ARL15: variants seen among roughly 807,000 people sequenced by gnomAD.
ARL15 encodes the protein ADP-ribosylation factor-like protein 15.
Under a neutral mutation model 25.2 loss-of-function variants are expected in ARL15, and 19 were observed. That is an observed-to-expected ratio of 0.75 (90% CI 0.53 to 1.10). The LOEUF is 1.10. Among genes scored for constraint, ARL15 ranks in the 50% least tolerant of loss-of-function variants. The pLI, the probability that ARL15 is intolerant of heterozygous loss-of-function variation, is 0.00. For synonymous variants in ARL15, 94 were observed against 86.8 expected, an observed-to-expected ratio of 1.08 and a Z score of -0.46; for missense variants, 220 against 246.0, an observed-to-expected ratio of 0.89 and a Z score of 0.71.
intron 4 of ARL15, among the ~76,000 whole-genome samples, chr5:54,005,635 G>A (rs1749003864): frequency 6.6e-6 from 1 of 151,926 alleles, no homozygotes; most frequent in African/African-American, 2.4e-5. Context: ...AGGCCGAGGC[G>A]GGCGGATCAC....
At chr5:54,226,267 G>A (rs76279893) in intron 1 of ARL15, among the ~76,000 whole-genome samples, 1,806 of 152,314 alleles carry the variant, frequency 0.012, 33 homozygotes, top group African/African-American at 0.042. Context: ...GAAAATGGCC[G>A]TTAATTGGAT....
intron 1 of ARL15, among the ~76,000 whole-genome samples, chr5:54,199,791 T>C (rs2112479205): frequency 8.3e-6 from 1 of 120,654 alleles, no homozygotes; most frequent in South Asian, 2.6e-4. Context: ...ATCCCATTAC[T>C]GGGTATATAC....
At chr5:53,956,415 G>C (rs1747157328) in intron 4 of ARL15, among the ~76,000 whole-genome samples, 1 of 148,974 alleles carries the variant, frequency 6.7e-6, no homozygotes, top group Non-Finnish European at 1.5e-5. Context: ...TGCAAAGAAA[G>C]AGGAAGTATG....
chr5:53,965,581 G>A (rs1747527539), intron 4 of ARL15, among the ~76,000 whole-genome samples: 1 of 151,946 alleles, frequency 6.6e-6, no homozygotes, highest in South Asian at 2.1e-4. Flanking sequence ...AATTAAATGG[G>A]CCATGGACTG....
chr5:54,043,821 G>A (rs998515135), intron 4 of ARL15, among the ~76,000 whole-genome samples: 14 of 150,332 alleles, frequency 9.3e-5, no homozygotes, highest in East Asian at 3.9e-4. Flanking sequence ...TTCTAGCCTC[G>A]GGAACATGGC....
intron 1 of ARL15, among the ~76,000 whole-genome samples, chr5:54,223,796 C>T (rs1756442912): frequency 6.6e-6 from 1 of 152,104 alleles, no homozygotes; most frequent in African/African-American, 2.4e-5. Context: ...GAACAACAAA[C>T]TTAACACAAG....
intron 4 of ARL15, among the ~76,000 whole-genome samples, chr5:53,930,427 G>C (rs1168538724): frequency 6.6e-6 from 1 of 152,208 alleles, no homozygotes; most frequent in African/African-American, 2.4e-5. Context: ...ACTTGAAAGA[G>C]AGAAAATTTC....
chr5:54,043,507 G>A (rs957950285), intron 4 of ARL15, among the ~76,000 whole-genome samples: 1 of 152,042 alleles, frequency 6.6e-6, no homozygotes, highest in African/African-American at 2.4e-5. Context: ...CCTTGAATTG[G>A]AAATATGGGT....
chr5:53,906,196 T>C (rs374435538), intron 4 of ARL15, among the ~76,000 whole-genome samples: 9 of 152,338 alleles, frequency 5.9e-5, no homozygotes, highest in African/African-American at 2.2e-4. Flanking sequence ...TGACTTCTTA[T>C]ATGAAGTCGT....
chr5:53,959,219 A>G (rs1747278717), intron 4 of ARL15, among the ~76,000 whole-genome samples: 1 of 152,224 alleles, frequency 6.6e-6, no homozygotes, highest in African/African-American at 2.4e-5. Context: ...TAAGTTTTAA[A>G]AAAATTTTGT....
At chr5:54,207,083 C>T (rs1755892789) in intron 1 of ARL15, among the ~76,000 whole-genome samples, 1 of 152,194 alleles carries the variant, frequency 6.6e-6, no homozygotes, top group African/African-American at 2.4e-5. Context: ...GTTCCTCTAG[C>T]AGAGAGGAGT....
chr5:54,090,133 C>T (rs1425738290), intron 4 of ARL15, among the ~76,000 whole-genome samples: 2 of 152,124 alleles, frequency 1.3e-5, no homozygotes, highest in East Asian at 1.9e-4. Flanking sequence ...TTCACAGCAT[C>T]AGTGTTTGTA....
chr5:54,194,021 G>A (rs920805905), intron 1 of ARL15, among the ~76,000 whole-genome samples: 10 of 151,970 alleles, frequency 6.6e-5, no homozygotes, highest in African/African-American at 2.4e-4. Flanking sequence ...TGTTGGATGT[G>A]GGTGTCCCCT....
intron 1 of ARL15, among the ~76,000 whole-genome samples, chr5:54,307,570 G>C (rs976294902): frequency 1.3e-5 from 2 of 152,012 alleles, no homozygotes; most frequent in Non-Finnish European, 2.9e-5. Context: ...GAGAACATTT[G>C]TTTTAAGAAA....
At chr5:54,023,494 A>G (rs917956952) in intron 4 of ARL15, among the ~76,000 whole-genome samples, 1 of 151,096 alleles carries the variant, frequency 6.6e-6, no homozygotes, top group Non-Finnish European at 1.5e-5. Flanking sequence ...GTACGACTTT[A>G]TCTTGATCAT....
chr5:53,983,921 C>T (rs73110879), intron 4 of ARL15, among the ~76,000 whole-genome samples: 2,271 of 152,218 alleles, frequency 0.015, 58 homozygotes, highest in African/African-American at 0.051. Context: ...TTGGACAGCC[C>T]GCACTCCCGC....
rs970346370 is a variant in ARL15, at chr5:54,071,519, C to G, written c.462+41683G>C. On this transcript the variant is annotated intron_variant, in intron 4 of 4. Transcript: ENST00000504924. ...TCTCTTCCACCGCCTTTCCCCCCCC[C>G]CCCCCCGCAAAGCCAGACCCAACCT... Among the ~76,000 whole-genome samples the G allele has an allele frequency of 1.0e-3, 114 of 108,696 alleles. 5 individuals carry two copies. Among genetic ancestry groups the G allele is most frequent in the South Asian group, 2.9e-3 (8 of 2,746 alleles). The allele number at this position is 108,696 out of a possible 152,430, so 71.3% of individuals were successfully genotyped here. A position where few individuals can be genotyped will look rare whatever the true frequency, so the allele number is the denominator to read the frequency against.
intron 1 of ARL15, among the ~76,000 whole-genome samples, chr5:54,179,206 T>A (rs1160613914): frequency 6.6e-6 from 1 of 152,108 alleles, no homozygotes; most frequent in Non-Finnish European, 1.5e-5. Flanking sequence ...TCTGTGTTGA[T>A]AGAGGGCAAC....
rs147582458 is a variant in ARL15, at chr5:54,108,824, G to A, written c.462+4378C>T. On this transcript the variant is annotated intron_variant, in intron 4 of 4. Coordinates refer to ENST00000504924, the MANE Select transcript of ARL15 (RefSeq NM_019087.3). Reference sequence around the variant, plus strand: ...TATAAATAAGTAGTTATAATTAAATGTGATAGTTAAATACCATAGAAACAC... The same window carrying A: ...TATAAATAAGTAGTTATAATTAAATATGATAGTTAAATACCATAGAAACAC... Among the ~76,000 whole-genome samples the A allele has an allele frequency of 2.7e-3, 417 of 152,074 alleles. 1 individual carries two copies. Among genetic ancestry groups the A allele is most frequent in the African/African-American group, 9.7e-3 (401 of 41,540 alleles).
Sources: allele counts gnomAD v4.1 joint callset (sites outside exome capture counted in the v4.1 genomes callset), GRCh38; gene constraint gnomAD v4.1.1; transcripts MANE v1.5; gene names NCBI Gene and HGNC (gene_info 2026-07-23, HGNC 2026-07-21).